The following ZNF507 variants were observed in gnomAD, a reference collection of about 807,000 sequenced individuals.
ZNF507 encodes zinc finger protein 507.
In ZNF507, 29 loss-of-function variants were observed where a neutral mutation model predicts 80.0. The ratio of observed to expected loss-of-function variants is 0.36; its 90% confidence interval spans 0.27 to 0.49. ZNF507 has a LOEUF of 0.49. ZNF507 is among the 20% of genes least tolerant of loss of function. ZNF507 has a pLI of 0.98. For synonymous variants in ZNF507, 462 were observed against 422.5 expected, an observed-to-expected ratio of 1.09 and a Z score of -1.15; for missense variants, 1,081 against 1,152.2, an observed-to-expected ratio of 0.94 and a Z score of 0.90.
chr19:32,357,907 A>G (rs1198805961), intron 4 of ZNF507: 1 of 152,210 alleles, frequency 6.6e-6, no homozygotes, highest in Non-Finnish European at 1.5e-5. Context: ...CTTTTTTAGC[A>G]CCGTCCTAAA....
At chr19:32,365,524 T>TTTTG (rs1967386847) in intron 5 of ZNF507, among the ~76,000 whole-genome samples, 2 of 152,110 alleles carry the variant, frequency 1.3e-5, no homozygotes, top group Non-Finnish European at 2.9e-5. Context: ...AGGTGAGAGA[T>TTTTG]TATACCTGAC....
At chr19:32,359,663 T>G (rs533202988) in intron 4 of ZNF507, 1 of 152,372 alleles carries the variant, frequency 6.6e-6, no homozygotes, top group African/African-American at 2.4e-5. Flanking sequence ...AGAGTGAGTT[T>G]AGTAACATGG....
Position 32,352,893 on chromosome 19 carries a change from G to A in ZNF507, c.63G>A (p.Leu21=), listed in dbSNP as rs368961693. The change falls in exon 3 of 7, where the codon CTG becomes CTA. Residue 21 remains leucine, a synonymous_variant. Coordinates refer to ENST00000355898, the MANE Select transcript of ZNF507 (RefSeq NM_001136156.2). ...ATATTGGGGAACAGGAAGCTATACT[G>A]ACTGCTGAAAGTATCATCAGTCCTT... ...VPDIGEQEAI[L]TAESIISPSL... The A allele has an allele frequency of 4.3e-6, 7 of 1,612,500 alleles. No individual in the cohort carries two copies. The highest frequency in any genetic ancestry group is 3.4e-5 in the Admixed American group (2 of 59,634).
Position 32,356,600 on chromosome 19 carries a change from T to A in ZNF507, c.2128-16T>A. ...GTATATTTATTGAAAATTACATATT[T>A]CTTTCCACTTTTTAGAGTCAATTGA... On this transcript the variant is annotated splice_polypyrimidine_tract_variant and intron_variant, in intron 3 of 6. Transcript: ENST00000355898. The A allele has an allele frequency of 6.3e-7, 1 of 1,585,678 alleles. No individual in the cohort carries two copies. Among genetic ancestry groups the A allele is most frequent in the Non-Finnish European group, 8.7e-7 (1 of 1,154,996 alleles).
rs1447600338 is a variant in ZNF507 at position 32,386,273 on chromosome 19, T to C, written c.*3190T>C. ...GTTTTTTTTCTCACAAAGTAAATGG[T>C]GGGCATCCATGTTTACATTGCACCT... On this transcript the variant is annotated 3_prime_UTR_variant, in exon 7 of 7. Transcript: ENST00000355898. 1 of 152,634 alleles carries C rather than the reference T, an allele frequency of 6.6e-6. No homozygotes were observed. The highest frequency in any genetic ancestry group is 1.5e-5 in the Non-Finnish European group (1 of 68,038). The allele number at this position is 152,634 out of a possible 1,614,324, so 9.5% of individuals were successfully genotyped here.
Position 32,382,518 on chromosome 19 carries a change from T to C in ZNF507, c.2412T>C (p.His804=). The change falls in exon 6 of 7, where the codon CAT becomes CAC. Residue 804 remains histidine, a synonymous_variant. Coordinates refer to ENST00000355898, the MANE Select transcript of ZNF507 (RefSeq NM_001136156.2). ...VCSHPPSLKS[H]MWKHASDQNY... is the part of the protein sequence containing the mutation. ...GCCATCCTCCTTCTTTGAAGTCTCA[T>C]ATGTGGAAACATGCAAGTGACCAAA... The C allele has an allele frequency of 1.2e-6, 2 of 1,614,188 alleles. No homozygotes were observed. The highest frequency in any genetic ancestry group is 2.2e-5 in the South Asian group (2 of 91,084).
intron 3 of ZNF507, among the ~76,000 whole-genome samples, chr19:32,356,166 A>C (rs537235476): frequency 1.8e-3 from 268 of 152,322 alleles, no homozygotes; most frequent in Non-Finnish European, 2.6e-3. Context: ...TGGGAATGGA[A>C]GTAGAGGAGA....
chr19:32,354,734 C>T lies in ZNF507; in HGVS notation c.1904C>T (p.Pro635Leu), dbSNP rs775182865. ...LSGNNVVEYI[P>L]NAERPYRCRL... ...GGAAACAATGTGGTGGAATACATCC[C>T]GAATGCTGAACGACCCTACCGTTGC... The change falls in exon 3 of 7, where the codon CCG (proline) becomes CTG (leucine). Residue 635 changes from proline (P) to leucine (L), a missense_variant. Transcript: ENST00000355898. 8 of 1,614,160 alleles carry T rather than the reference C, an allele frequency of 5.0e-6. No individual in the cohort carries two copies. The highest frequency in any genetic ancestry group is 1.7e-5 in the Admixed American group (1 of 60,034).
intron 5 of ZNF507, among the ~76,000 whole-genome samples, chr19:32,369,372 A>G (rs1242962281): frequency 1.3e-5 from 2 of 152,224 alleles, no homozygotes; most frequent in Non-Finnish European, 2.9e-5. Flanking sequence ...ATTGAGTCCC[A>G]AATGGCTCTG....
chr19:32,352,836 A>C lies in ZNF507; in HGVS notation c.6A>C (p.Glu2Asp). The C allele has an allele frequency of 6.4e-7, 1 of 1,568,046 alleles. No homozygotes were observed. Among genetic ancestry groups the C allele is most frequent in the South Asian group, 1.2e-5 (1 of 83,114 alleles). The change falls in exon 3 of 7, where the codon GAA becomes GAC. Residue 2 changes from glutamate (E) to aspartate (D), a missense_variant. By Grantham distance (45) the Glu-to-Asp change is conservative. This residue lies in a region of ZNF507 where 275 missense variants were observed against 303.9 expected (regional missense o/e 0.90). Transcript: ENST00000355898. M[E>D]ESSSVAMLVP... Reference sequence around the variant, plus strand: ...TTACATTATCCTTTTTAGATATGGAAGAAAGTAGCAGTGTTGCCATGTTGG... The same window carrying C: ...TTACATTATCCTTTTTAGATATGGACGAAAGTAGCAGTGTTGCCATGTTGG...
At chr19:32,367,786 C>T (rs1246397057) in intron 5 of ZNF507, among the ~76,000 whole-genome samples, 1 of 151,994 alleles carries the variant, frequency 6.6e-6, no homozygotes, top group Non-Finnish European at 1.5e-5. Flanking sequence ...GGGGGAATGA[C>T]AGTTTGGAAT....
intron 5 of ZNF507, among the ~76,000 whole-genome samples, chr19:32,376,763 A>G (rs1967552526): frequency 6.6e-6 from 1 of 152,182 alleles, no homozygotes; most frequent in Non-Finnish European, 1.5e-5. Flanking sequence ...GTGGCCCCAG[A>G]TGCCAGGCTG....
chr19:32,377,315 G>A (rs1412222173), intron 5 of ZNF507, among the ~76,000 whole-genome samples: 1 of 152,156 alleles, frequency 6.6e-6, no homozygotes, highest in Non-Finnish European at 1.5e-5. Flanking sequence ...GCCCTCTGGT[G>A]GCCCTGTCCA....
intron 5 of ZNF507, among the ~76,000 whole-genome samples, chr19:32,375,709 G>A (rs909504858): frequency 7.2e-5 from 11 of 152,144 alleles, no homozygotes; most frequent in East Asian, 1.9e-4. Flanking sequence ...TGGATGGTAC[G>A]GATTCATCAC....
intron 5 of ZNF507, among the ~76,000 whole-genome samples, chr19:32,363,336 G>A (rs1428745172): frequency 1.3e-5 from 2 of 152,208 alleles, no homozygotes. Flanking sequence ...TTGCACAAGG[G>A]CACAAAAGAT....
At chr19:32,346,402 C>T (rs1461925238) in intron 1 of ZNF507, among the ~76,000 whole-genome samples, 1 of 152,184 alleles carries the variant, frequency 6.6e-6, no homozygotes, top group South Asian at 2.1e-4. Context: ...ACTTTCCCAA[C>T]CCCAAGGCGG....
Position 32,353,629 on chromosome 19 carries a change from G to T in ZNF507, c.799G>T (p.Ala267Ser), listed in dbSNP as rs960295516. ...CGQQRMLKTH[A>S]WKHAGEVDCS... ...CCAGCAGAGAATGTTGAAAACACAC[G>T]CTTGGAAACATGCTGGGGAGGTTGA... is the stretch of plus-strand genomic sequence containing the variant. Residue 267 changes from alanine (A) to serine (S), a missense_variant, in exon 3 of 7, where the codon GCT (alanine) becomes TCT (serine). Coordinates refer to ENST00000355898, the MANE Select transcript of ZNF507 (RefSeq NM_001136156.2). 6.2e-6 allele frequency: 10 copies of T among 1,614,166 alleles called. No individual in the cohort carries two copies. The South Asian group carries it at 9.9e-5, about 16-fold the overall frequency.
At chr19:32,350,936 CAATA>C (rs1967154369) in intron 2 of ZNF507, among the ~76,000 whole-genome samples, 1 of 152,136 alleles carries the variant, frequency 6.6e-6, no homozygotes, top group Non-Finnish European at 1.5e-5. Context: ...AATTCTAAGA[CAATA>C]AAGTGACTTA....
At chr19:32,346,232 G>T (rs914686963) in intron 1 of ZNF507, among the ~76,000 whole-genome samples, 1 of 152,096 alleles carries the variant, frequency 6.6e-6, no homozygotes, top group Non-Finnish European at 1.5e-5. Flanking sequence ...CTACAGAAAC[G>T]CAGCCCTGGT....
Sources: gnomAD v4.1 joint callset for allele counts (sites outside exome capture counted in the v4.1 genomes callset) on GRCh38, gnomAD v4.1.1 for gene constraint, gnomAD v4.1.1 regional missense constraint, MANE v1.5 for transcripts, NCBI Gene and HGNC (gene_info 2026-07-23, HGNC 2026-07-21) for gene names.